SNCG: variants seen among roughly 807,000 people sequenced by gnomAD.
SNCG encodes synuclein gamma.
Under a neutral mutation model 16.0 loss-of-function variants are expected in SNCG, and 13 were observed. That is an observed-to-expected ratio of 0.81 (90% CI 0.53 to 1.29). The LOEUF (loss-of-function observed/expected upper bound fraction) is 1.29, where lower values mean the gene tolerates loss of function less well. SNCG is among the 50% of genes most tolerant of loss of function. SNCG has a pLI of 0.00. For synonymous variants in SNCG, 66 were observed against 66.3 expected (o/e 1.00, Z 0.02); for missense variants, 154 against 168.5 (o/e 0.91, Z 0.48).
chr10:86,960,280 G>A, intron 3 of SNCG, 152 bp downstream of exon 3: 1 of 750,552 alleles, frequency 1.3e-6, no homozygotes, highest in South Asian at 1.9e-5. Context: ...CCGGCATGGG[G>A]TGGGGTCCAT....
In SNCG at chr10:86,959,594, C is replaced by A; in HGVS notation, c.122-39C>A. 1.2e-6 allele frequency: 2 copies of A among 1,606,360 alleles called. No individual in the cohort carries two copies. The highest frequency in any genetic ancestry group is 1.7e-6 in the Non-Finnish European group (2 of 1,173,360). ...TTTGTCCTGACCGCCCCCAACACCT[C>A]GAGGGAGGTCTGGGCTGACAGCTCC... is the stretch of plus-strand genomic sequence containing the variant. On this transcript the variant is annotated intron_variant, in intron 1 of 4. Transcript: ENST00000372017. This position sits in a 1 kb window ranked among gnomAD's most constrained non-coding sequence, Gnocchi z 4.3.
At position 86,959,048 on chromosome 10, in the gene SNCG, G is replaced by A. The variant is rs780981180; in HGVS notation, c.121+230G>A. On this transcript the variant is annotated intron_variant, in intron 1 of 4. Coordinates refer to ENST00000372017, the MANE Select transcript of SNCG (RefSeq NM_003087.3). This position sits in a 1 kb window ranked among gnomAD's most constrained non-coding sequence, Gnocchi z 4.3. ...CTCTGGGTGTCAGAGACCGCAGACA[G>A]GGCTGGCTACCTGTCTGTGCACGCA... is the stretch of plus-strand genomic sequence containing the variant. 2.6e-5 allele frequency among the ~76,000 whole-genome samples: 4 copies of A among 152,146 alleles called. No individual in the cohort carries two copies. Among genetic ancestry groups the A allele is most frequent in the Admixed American group, 1.3e-4 (2 of 15,286 alleles).
At chr10:86,956,210 G>A (rs2133690194), upstream of SNCG, among the ~76,000 whole-genome samples, 1 of 139,874 alleles carries the variant, frequency 7.1e-6, no homozygotes, top group East Asian at 2.3e-4. Flanking sequence ...GAGCAGAGTT[G>A]GGGGCAGGCG....
chr10:86,959,004 T>G lies in SNCG; in HGVS notation c.121+186T>G, dbSNP rs3793899. Among the ~76,000 whole-genome samples the G allele has an allele frequency of 0.54, 81,429 of 152,072 alleles. 21,940 individuals carry two copies. The highest frequency in any genetic ancestry group is 0.7 in the East Asian group (3,599 of 5,140). ...CCCTGTGCACACCTATGTGTGTTTG[T>G]CTTTGGCCTCCTCGGGGCCTCTGGG... On this transcript the variant is annotated intron_variant, in intron 1 of 4. Coordinates refer to ENST00000372017, the MANE Select transcript of SNCG (RefSeq NM_003087.3). This position sits in a 1 kb window ranked among gnomAD's most constrained non-coding sequence, Gnocchi z 4.3.
Position 86,958,603 on chromosome 10 carries a change from G to A in SNCG, c.-95G>A. The A allele has an allele frequency of 1.4e-6, 2 of 1,467,342 alleles. No individual in the cohort carries two copies. Among genetic ancestry groups the A allele is most frequent in the South Asian group, 2.3e-5 (2 of 85,328 alleles). 90.9% of individuals were successfully genotyped at this position (1,467,342 alleles called of 1,614,324 possible). A position where few individuals can be genotyped will look rare whatever the true frequency, so the allele number is the denominator to read the frequency against. ...GCGTCAATAGGAGGCATCGGGGACAGCCGCTGCGGCAGCACTCGAGCCAGC... is the reference window on the plus strand; with the variant it reads ...GCGTCAATAGGAGGCATCGGGGACAACCGCTGCGGCAGCACTCGAGCCAGC... On this transcript the variant is annotated 5_prime_UTR_variant, in exon 1 of 5. Transcript: ENST00000372017.
Position 86,958,811 on chromosome 10 carries a change from G to A in SNCG, c.114G>A (p.Met38Ile), listed in dbSNP as rs148591902. The A allele has an allele frequency of 1.2e-4, 191 of 1,606,988 alleles. 1 individual carries two copies. Among genetic ancestry groups the A allele is most frequent in the Non-Finnish European group, 1.5e-4 (173 of 1,176,398 alleles). Residue 38 changes from methionine (M) to isoleucine (I), a missense_variant, in exon 1 of 5, where the codon ATG becomes ATA. By Grantham distance (10) the Met-to-Ile change is conservative. Coordinates refer to ENST00000372017, the MANE Select transcript of SNCG (RefSeq NM_003087.3). ...EAAEKTKEGV[M>I]YVGAKTKENV... is the part of the protein sequence containing the mutation. ...CTGAGAAGACCAAGGAGGGGGTCAT[G>A]TATGTGGGTAAGTGGGGCATGGCAG...
chr10:86,958,834 C>A lies in SNCG; in HGVS notation c.121+16C>A. 1 of 1,589,708 alleles carries A rather than the reference C, an allele frequency of 6.3e-7. No homozygotes were observed. Among genetic ancestry groups the A allele is most frequent in the Non-Finnish European group, 8.6e-7 (1 of 1,167,170 alleles). The stretch of plus-strand genomic sequence containing the variant: ...ATGTATGTGGGTAAGTGGGGCATGG[C>A]AGGGTGGGACAGTGTGGTGGCCAAA... On this transcript the variant is annotated intron_variant, in intron 1 of 4. Coordinates refer to ENST00000372017, the MANE Select transcript of SNCG (RefSeq NM_003087.3).
Position 86,959,985 on chromosome 10 carries a change from C to T in SNCG, c.164-16C>T, listed in dbSNP as rs1844312416. On this transcript the variant is annotated splice_polypyrimidine_tract_variant and intron_variant, in intron 2 of 4. Coordinates refer to ENST00000372017, the MANE Select transcript of SNCG (RefSeq NM_003087.3). This position sits in a 1 kb window ranked among gnomAD's most constrained non-coding sequence, Gnocchi z 4.3. ...GGCTGGGGCTGGGGTGGAGGCCAGC[C>T]AGTGTCCTCCCATAGTGGCCGAGAA... The T allele has an allele frequency of 3.2e-6, 5 of 1,582,244 alleles. No individual in the cohort carries two copies. The highest frequency in any genetic ancestry group is 4.3e-6 in the Non-Finnish European group (5 of 1,165,094).
chr10:86,962,138 C>A lies in SNCG; in HGVS notation c.292-466C>A, dbSNP rs956086563. ...AAGCAAGCCTGATCTGATGCCAACA[C>A]ACCCCACCACTTTGAGCTCGAAGGC... On this transcript the variant is annotated intron_variant, in intron 3 of 4. Transcript: ENST00000372017. Among the ~76,000 whole-genome samples the A allele has an allele frequency of 2.0e-5, 3 of 152,230 alleles. No homozygotes were observed. The East Asian group carries it at 5.8e-4, about 29-fold the overall frequency.
intron 3 of SNCG, among the ~76,000 whole-genome samples, 155 bp from the exon 4 acceptor site, chr10:86,962,449 C>A (rs1044415863): frequency 1.7e-4 from 26 of 152,222 alleles, no homozygotes; most frequent in Admixed American, 1.5e-3. Flanking sequence ...GTCTGAATTG[C>A]ACGCCCCCAA....
At chr10:86,958,338 TG>T (rs1017421253), upstream of SNCG, 10 of 985,098 alleles carry the variant, frequency 1.0e-5, no homozygotes, top group Non-Finnish European at 1.2e-5. Flanking sequence ...CCCCCATGGG[TG>T]GGCAGGGCAG....
chr10:86,961,988 G>A (rs1844359513), intron 3 of SNCG, among the ~76,000 whole-genome samples: 1 of 152,258 alleles, frequency 6.6e-6, no homozygotes. Context: ...ATGGAGTGCA[G>A]GAGATAGAAG....
chr10:86,959,946 C>A lies in SNCG; in HGVS notation c.164-55C>A. On this transcript the variant is annotated intron_variant, in intron 2 of 4. Transcript: ENST00000372017. This position sits in a 1 kb window ranked among gnomAD's most constrained non-coding sequence, Gnocchi z 4.3. The stretch of plus-strand genomic sequence containing the variant: ...GAAGGGGCTGCGAGCCTGACTCCAG[C>A]AGGCCTGCCTTGGGGCTGGGGCTGG... 6.4e-7 allele frequency: 1 copy of A among 1,554,190 alleles called. No homozygotes were observed. The highest frequency in any genetic ancestry group is 8.7e-7 in the Non-Finnish European group (1 of 1,149,190).
rs570665620 is a variant in SNCG, at chr10:86,963,117, C to G, written c.*132C>G. The G allele has an allele frequency of 1.5e-4, 132 of 887,640 alleles. No homozygotes were observed. In the African/African-American group the frequency reaches 2.1e-3, roughly 14 times the overall value. 55.0% of individuals were successfully genotyped at this position (887,640 alleles called of 1,614,324 possible). On this transcript the variant is annotated 3_prime_UTR_variant, in exon 5 of 5. Coordinates refer to ENST00000372017, the MANE Select transcript of SNCG (RefSeq NM_003087.3). ...GCTCCTGCCCTCGTCTCCCTGGCCA[C>G]CCTTGGCCTGTCCACCTGTGCTGCT...
chr10:86,961,961 G>A (rs1180581023), intron 3 of SNCG, among the ~76,000 whole-genome samples: 1 of 152,232 alleles, frequency 6.6e-6, no homozygotes, highest in Non-Finnish European at 1.5e-5. Context: ...GATATCTCAC[G>A]CAAGTGTCTG....
intron 3 of SNCG, 135 bp downstream of exon 3, chr10:86,960,263 C>T (rs1844320314): frequency 1.2e-6 from 1 of 846,362 alleles, no homozygotes; most frequent in South Asian, 1.8e-5. Context: ...TCAGTACCCA[C>T]TGAGCGCCGG....
chr10:86,962,705 G>A, intron 4 of SNCG, 30 bp downstream of exon 4: 1 of 1,567,050 alleles, frequency 6.4e-7, no homozygotes, highest in Non-Finnish European at 8.7e-7. Flanking sequence ...GGTGCACCAT[G>A]GGGGGTTCCT....
rs558279438 is a variant in SNCG at position 86,961,645 on chromosome 10, A to G, written c.292-959A>G. 1.5e-3 allele frequency among the ~76,000 whole-genome samples: 229 copies of G among 152,290 alleles called. 1 individual carries two copies. Among genetic ancestry groups the G allele is most frequent in the African/African-American group, 5.0e-3 (207 of 41,542 alleles). On this transcript the variant is annotated intron_variant, in intron 3 of 4. Transcript: ENST00000372017. ...GACACCCCAAAACCAGTCACGACTC[A>G]TCTCCCAGTGAACTGTGAAAGGCCT...
chr10:86,955,967 T>A (rs1198659554), upstream of SNCG, among the ~76,000 whole-genome samples: 1 of 151,902 alleles, frequency 6.6e-6, no homozygotes, highest in Non-Finnish European at 1.5e-5. Flanking sequence ...GAGCAATGTC[T>A]CTCCCACAAC....
Sources: allele counts gnomAD v4.1 joint callset (sites outside exome capture counted in the v4.1 genomes callset), GRCh38; gene constraint gnomAD v4.1.1; non-coding constraint Gnocchi (gnomAD v3.1); transcripts MANE v1.5; gene names NCBI Gene and HGNC (gene_info 2026-07-23, HGNC 2026-07-21).